The following TNRC18 variants were observed in gnomAD, a reference collection of about 807,000 sequenced individuals.
The protein encoded by TNRC18 is trinucleotide repeat-containing gene 18 protein.
In TNRC18, 69 loss-of-function variants were observed where a neutral mutation model predicts 226.7. That is an observed-to-expected ratio of 0.30 (90% CI 0.25 to 0.37). TNRC18 has a LOEUF of 0.37. Ranked by LOEUF, TNRC18 falls within the 10% of genes least tolerant of loss-of-function variation. TNRC18 has a pLI of 1.00. For synonymous variants in TNRC18, 2,449 were observed against 1,927.6 expected (o/e 1.27, Z -7.09); for missense variants, 4,754 against 4,256.6 (o/e 1.12, Z -3.25).
intron 19 of TNRC18, among the ~76,000 whole-genome samples, chr7:5,329,163 C>T (rs1789248365): frequency 2.6e-5 from 4 of 151,804 alleles, no homozygotes; most frequent in Admixed American, 2.0e-4. Flanking sequence ...GTGAGCCGAG[C>T]ATGGTGGTGA....
intron 5 of TNRC18, among the ~76,000 whole-genome samples, chr7:5,384,504 C>T (rs564659032): frequency 9.8e-4 from 149 of 152,200 alleles, no homozygotes; most frequent in Middle Eastern, 3.4e-3. Context: ...ACCCTCCCTC[C>T]CTCCCTCACA....
intron 10 of TNRC18, among the ~76,000 whole-genome samples, chr7:5,373,626 G>A (rs1265412438): frequency 6.6e-6 from 1 of 152,164 alleles, no homozygotes; most frequent in East Asian, 1.9e-4. Flanking sequence ...AAAGCCACCT[G>A]CTGCAGGTCC....
intron 18 of TNRC18, among the ~76,000 whole-genome samples, chr7:5,340,746 GAA>G (rs61462662): frequency 6.0e-4 from 87 of 144,788 alleles, no homozygotes; most frequent in African/African-American, 1.0e-3. Flanking sequence ...CCATCTCAGA[GAA>G]AAAAAAAAAA....
In TNRC18 at chr7:5,388,698, G is replaced by A. The variant is rs981512182; in HGVS notation, c.1126C>T (p.Pro376Ser). The change falls in exon 5 of 30, where the codon CCT becomes TCT. Residue 376 changes from proline to serine, a missense_variant. Transcript: ENST00000430969. ...CGCTCGTCGAAGGCCTCCACGGAAG[G>A]CACGAAGGTGGGCGCCACCACGCGG... ...EHRVVAPTFV[P>S]SVEAFDERPG... 7 of 1,265,740 alleles carry A rather than the reference G, an allele frequency of 5.5e-6. No individual in the cohort carries two copies. The highest frequency in any genetic ancestry group is 3.7e-5 in the East Asian group (1 of 27,394). 78.4% of individuals were successfully genotyped at this position (1,265,740 alleles called of 1,614,324 possible).
At position 5,388,702 on chromosome 7, in the gene TNRC18, G is replaced by A. The variant is rs1413903854; in HGVS notation, c.1122C>T (p.Phe374=). ...GREHRVVAPT[F]VPSVEAFDER... Reference sequence around the variant, plus strand: ...CGTCGAAGGCCTCCACGGAAGGCACGAAGGTGGGCGCCACCACGCGGTGCT... The same window carrying A: ...CGTCGAAGGCCTCCACGGAAGGCACAAAGGTGGGCGCCACCACGCGGTGCT... The change falls in exon 5 of 30, where the codon TTC becomes TTT. Residue 374 remains phenylalanine, a synonymous_variant. Transcript: ENST00000430969. 22 of 1,265,802 alleles carry A rather than the reference G, an allele frequency of 1.7e-5. No individual in the cohort carries two copies. The highest frequency in any genetic ancestry group is 8.5e-5 in the South Asian group (4 of 46,888). 78.4% of individuals were successfully genotyped at this position (1,265,802 alleles called of 1,614,324 possible).
intron 2 of TNRC18, among the ~76,000 whole-genome samples, chr7:5,401,800 G>A (rs562911114): frequency 2.6e-5 from 4 of 152,256 alleles, no homozygotes; most frequent in East Asian, 3.9e-4. Flanking sequence ...TAGTATTTAC[G>A]GTAGGAACTG....
At position 5,388,218 on chromosome 7, in the gene TNRC18, C is replaced by T. The variant is rs1250526309; in HGVS notation, c.1606G>A (p.Glu536Lys). Reference protein sequence around the residue: ...LAAQHHHSRAEEEAAVVAASS... With the variant: ...LAAQHHHSRAKEEAAVVAASS... Reference sequence around the variant, plus strand: ...GCAGCGACCACGGCGGCCTCCTCTTCGGCGCGGCTGTGGTGGTGCTGCGCG... The same window carrying T: ...GCAGCGACCACGGCGGCCTCCTCTTTGGCGCGGCTGTGGTGGTGCTGCGCG... Residue 536 changes from glutamate (E) to lysine (K), a missense_variant, in exon 5 of 30, where the codon GAA (glutamate) becomes AAA (lysine). Coordinates refer to ENST00000430969, the MANE Select transcript of TNRC18 (RefSeq NM_001080495.3). The T allele has an allele frequency of 1.3e-6, 2 of 1,599,722 alleles. No individual in the cohort carries two copies. Among genetic ancestry groups the T allele is most frequent in the Non-Finnish European group, 8.5e-7 (1 of 1,174,494 alleles).
intron 2 of TNRC18, among the ~76,000 whole-genome samples, chr7:5,395,097 C>T (rs1311003675): frequency 1.3e-5 from 2 of 152,208 alleles, no homozygotes; most frequent in Non-Finnish European, 1.5e-5. Flanking sequence ...CACAGCAGCC[C>T]TAGCCAGCCC....
rs753960123 is a variant in TNRC18, at chr7:5,370,744, G to T, written c.3850C>A (p.Pro1284Thr). 1 of 1,605,090 alleles carries T rather than the reference G, an allele frequency of 6.2e-7. No homozygotes were observed. The highest frequency in any genetic ancestry group is 1.7e-5 in the Admixed American group (1 of 58,874). ...VPEEGLAQVA[P>T]SESQPTLEMS... ...TCTAGGGTGGGCTGGGACTCGCTCGGTGCCACCTGCGCCAGGCCTTCCTCG... is the reference window on the plus strand; with the variant it reads ...TCTAGGGTGGGCTGGGACTCGCTCGTTGCCACCTGCGCCAGGCCTTCCTCG... The change falls in exon 11 of 30, where the codon CCG becomes ACG. Residue 1284 changes from proline to threonine, a missense_variant. Transcript: ENST00000430969.
intron 18 of TNRC18, among the ~76,000 whole-genome samples, chr7:5,336,877 A>G (rs1181122601): frequency 2.0e-5 from 3 of 152,244 alleles, no homozygotes; most frequent in South Asian, 2.1e-4. Flanking sequence ...GTGTGGGGGA[A>G]CCAGCCTCAG....
At chr7:5,415,817 C>T (rs1046021029) in intron 2 of TNRC18, among the ~76,000 whole-genome samples, 4 of 151,520 alleles carry the variant, frequency 2.6e-5, no homozygotes, top group Admixed American at 1.3e-4. Flanking sequence ...AAAAATAGGT[C>T]GAAGTTAAGC....
intron 19 of TNRC18, among the ~76,000 whole-genome samples, chr7:5,330,945 GA>G (rs1386175686): frequency 2.6e-5 from 4 of 152,162 alleles, no homozygotes; most frequent in African/African-American, 9.7e-5. Flanking sequence ...AAAGTGCTGG[GA>G]TTACAGGTGT....
Position 5,394,291 on chromosome 7 carries a change from T to C in TNRC18, c.343+149A>G. The C allele has an allele frequency of 1.5e-6, 1 of 685,266 alleles. No individual in the cohort carries two copies. The highest frequency in any genetic ancestry group is 2.3e-6 in the Non-Finnish European group (1 of 433,194). 42.4% of individuals were successfully genotyped at this position (685,266 alleles called of 1,614,324 possible). On this transcript the variant is annotated intron_variant, in intron 3 of 29. Coordinates refer to ENST00000430969, the MANE Select transcript of TNRC18 (RefSeq NM_001080495.3). The surrounding 1 kb of genome is among the most constrained non-coding windows in gnomAD (Gnocchi z 4.5). ...CTGTGACAGTGACAAGAAGAAGCCC[T>C]GAGCGTTTGAGAAACAACAGGGAAG... is the stretch of plus-strand genomic sequence containing the variant.
At chr7:5,408,657 A>G (rs1454518397) in intron 2 of TNRC18, among the ~76,000 whole-genome samples, 2 of 152,186 alleles carry the variant, frequency 1.3e-5, no homozygotes, top group Non-Finnish European at 2.9e-5. Flanking sequence ...ACAGAAAGAA[A>G]AAAAAACCAT....
intron 11 of TNRC18, among the ~76,000 whole-genome samples, chr7:5,367,230 T>C (rs1311044440): frequency 6.6e-6 from 1 of 151,790 alleles, no homozygotes; most frequent in African/African-American, 2.4e-5. Context: ...CTGGATGTGG[T>C]AGCATGTGCC....
In TNRC18 at chr7:5,389,170, C is replaced by A; in HGVS notation, c.654G>T (p.Pro218=). ...CGCGCGGGTCCTTCTTGCCGAAAAG[C>A]GGAGGCGGCTCCCCGCCGCGGCCCG... The part of the protein sequence containing the change: ...ERAGRGGEPP[P]LFGKKDPRAR... The change falls in exon 5 of 30, where the codon CCG becomes CCT. Residue 218 remains proline (P), a synonymous_variant. Transcript: ENST00000430969. 1.5e-6 allele frequency: 2 copies of A among 1,321,384 alleles called. No individual in the cohort carries two copies. Among genetic ancestry groups the A allele is most frequent in the East Asian group, 3.6e-5 (1 of 27,804 alleles). The allele number at this position is 1,321,384 out of a possible 1,614,324, so 81.9% of individuals were successfully genotyped here.
Position 5,324,948 on chromosome 7 carries a change from C to G in TNRC18, c.6300+148G>C. 3.4e-6 allele frequency: 3 copies of G among 875,008 alleles called. No individual in the cohort carries two copies. The highest frequency in any genetic ancestry group is 2.8e-5 in the East Asian group (1 of 35,500). The allele number at this position is 875,008 out of a possible 1,614,324, so 54.2% of individuals were successfully genotyped here. ...TCTCCTTATCCCTGGAGTGTGGGGA[C>G]GGCCACATCACCCTCGTCACCCGCA... On this transcript the variant is annotated intron_variant, in intron 20 of 29. Coordinates refer to ENST00000430969, the MANE Select transcript of TNRC18 (RefSeq NM_001080495.3). This position sits in a 1 kb window ranked among gnomAD's most constrained non-coding sequence, Gnocchi z 4.8.
At chr7:5,334,297 C>CTT in intron 18 of TNRC18, among the ~76,000 whole-genome samples, 1 of 147,772 alleles carries the variant, frequency 6.8e-6, no homozygotes, top group East Asian at 2.0e-4. Context: ...TATTAATTAA[C>CTT]TTTTTTTTTT....
At chr7:5,391,047 T>G (rs2128198309) in intron 3 of TNRC18, among the ~76,000 whole-genome samples, 1 of 152,334 alleles carries the variant, frequency 6.6e-6, no homozygotes, top group South Asian at 2.1e-4. Context: ...CAGAGCTGCC[T>G]GGCTTTGGAT....
Sources: gnomAD v4.1 joint callset for allele counts (sites outside exome capture counted in the v4.1 genomes callset) on GRCh38, gnomAD v4.1.1 for gene constraint, Gnocchi (gnomAD v3.1) non-coding constraint, MANE v1.5 for transcripts, NCBI Gene and HGNC (gene_info 2026-07-23, HGNC 2026-07-21) for gene names.